The following ZCCHC7 variants were observed in gnomAD, a reference collection of about 807,000 sequenced individuals.
The protein encoded by ZCCHC7 is zinc finger CCHC-type containing 7.
A neutral mutation model predicts 52.0 loss-of-function variants in ZCCHC7; 35 were observed. The ratio of observed to expected loss-of-function variants is 0.67; its 90% CI spans 0.51 to 0.89. The LOEUF (loss-of-function observed/expected upper bound fraction) is 0.89, where lower values mean the gene tolerates loss of function less well. Among genes scored for constraint, ZCCHC7 ranks in the 40% least tolerant of loss-of-function variants. ZCCHC7 has a pLI of 0.00. For synonymous variants in ZCCHC7, 217 were observed against 221.5 expected (o/e 0.98, Z 0.18); for missense variants, 574 against 649.1 (o/e 0.88, Z 1.26).
intron 5 of ZCCHC7, among the ~76,000 whole-genome samples, chr9:37,324,267 C>T (rs1252299784): frequency 7.9e-5 from 12 of 152,156 alleles, no homozygotes; most frequent in Non-Finnish European, 1.5e-5. Flanking sequence ...TGACTTGGAG[C>T]TGAAGGATTT....
intron 6 of ZCCHC7, among the ~76,000 whole-genome samples, chr9:37,348,514 G>C (rs193242863): frequency 8.1e-4 from 123 of 152,068 alleles, no homozygotes; most frequent in African/African-American, 2.7e-3. Flanking sequence ...GAAGTAGCTG[G>C]GACTACAGGC....
At chr9:37,250,460 C>T (rs1453460619) in intron 2 of ZCCHC7, among the ~76,000 whole-genome samples, 1 of 152,122 alleles carries the variant, frequency 6.6e-6, no homozygotes, top group Non-Finnish European at 1.5e-5. Context: ...TGCCACCACA[C>T]CCAGCTAATT....
chr9:37,303,001 A>C (rs1829106063), intron 3 of ZCCHC7, among the ~76,000 whole-genome samples: 1 of 152,206 alleles, frequency 6.6e-6, no homozygotes, highest in Admixed American at 6.5e-5. Context: ...TGTGCTGTTC[A>C]AAAGAATGGA....
chr9:37,327,710 C>T, intron 5 of ZCCHC7, 89 bp from the exon 6 acceptor site: 1 of 1,398,346 alleles, frequency 7.2e-7, no homozygotes, highest in South Asian at 1.2e-5. Context: ...CTGTGACCGA[C>T]ACCGGTGGAT....
At chr9:37,302,277 C>T (rs1439190495) in intron 3 of ZCCHC7, 46 bp downstream of exon 3, 1 of 1,459,674 alleles carries the variant, frequency 6.9e-7, no homozygotes, top group Admixed American at 1.8e-5. Context: ...ATTTCCTTTG[C>T]TTCATAGTTT....
chr9:37,244,365 G>A (rs1370698047), intron 2 of ZCCHC7, among the ~76,000 whole-genome samples: 1 of 151,754 alleles, frequency 6.6e-6, no homozygotes, highest in Non-Finnish European at 1.5e-5. Flanking sequence ...ATAGTATAGT[G>A]AGGGTTATAT....
At chr9:37,152,627 T>G (rs1436013013) in intron 2 of ZCCHC7, among the ~76,000 whole-genome samples, 1 of 152,212 alleles carries the variant, frequency 6.6e-6, no homozygotes, top group African/African-American at 2.4e-5. Flanking sequence ...GTTTGATGTT[T>G]TTATTATCAT....
chr9:37,162,462 ATT>A (rs971532546), intron 2 of ZCCHC7, among the ~76,000 whole-genome samples: 1 of 152,126 alleles, frequency 6.6e-6, no homozygotes, highest in African/African-American at 2.4e-5. Flanking sequence ...ACTTTCTAAA[ATT>A]TTGCATAAGT....
intron 1 of ZCCHC7, among the ~76,000 whole-genome samples, chr9:37,122,377 TG>T (rs1352033393): frequency 6.6e-6 from 1 of 152,256 alleles, no homozygotes; most frequent in African/African-American, 2.4e-5. Flanking sequence ...AAGTTTCATT[TG>T]CATGATATTT....
At chr9:37,313,360 G>C (rs1005057546) in intron 5 of ZCCHC7, among the ~76,000 whole-genome samples, 1 of 152,116 alleles carries the variant, frequency 6.6e-6, no homozygotes, top group African/African-American at 2.4e-5. Flanking sequence ...CAAAACTCAC[G>C]ATAATGTTAG....
intron 6 of ZCCHC7, among the ~76,000 whole-genome samples, chr9:37,331,987 A>T (rs2118262063): frequency 6.6e-6 from 1 of 151,788 alleles, no homozygotes; most frequent in Middle Eastern, 3.4e-3. Context: ...ATAAGCTAAT[A>T]CATTATAAGT....
intron 5 of ZCCHC7, among the ~76,000 whole-genome samples, chr9:37,321,961 G>A (rs1484364299): frequency 2.8e-4 from 43 of 151,938 alleles, no homozygotes; most frequent in Admixed American, 2.6e-3. Flanking sequence ...AATACCAAAG[G>A]GACAATGAAA....
chr9:37,198,977 C>A (rs1284953975), intron 2 of ZCCHC7, among the ~76,000 whole-genome samples: 1 of 152,174 alleles, frequency 6.6e-6, no homozygotes. Flanking sequence ...TAGTCTGAAA[C>A]AGACTGCTTA....
chr9:37,128,124 G>GAA (rs1459901119), intron 2 of ZCCHC7, among the ~76,000 whole-genome samples: 3 of 152,346 alleles, frequency 2.0e-5, no homozygotes, highest in East Asian at 1.9e-4. Flanking sequence ...TAGAAAGAAA[G>GAA]AAACTTGTGA....
At chr9:37,198,637 T>TTGGC (rs924859039) in intron 2 of ZCCHC7, among the ~76,000 whole-genome samples, 3 of 152,350 alleles carry the variant, frequency 2.0e-5, no homozygotes, top group Admixed American at 1.3e-4. Flanking sequence ...AAGAATTCAG[T>TTGGC]TGGCATACTT....
intron 2 of ZCCHC7, among the ~76,000 whole-genome samples, chr9:37,136,601 A>G (rs1257482163): frequency 3.9e-5 from 6 of 152,082 alleles, no homozygotes; most frequent in African/African-American, 1.2e-4. Context: ...GAGACTGCAG[A>G]TGTGGGCCAC....
chr9:37,195,129 T>A (rs1823223991), intron 2 of ZCCHC7, among the ~76,000 whole-genome samples: 1 of 151,928 alleles, frequency 6.6e-6, no homozygotes, highest in African/African-American at 2.4e-5. Context: ...GTATTTTCAG[T>A]GAAGACGGGG....
chr9:37,290,420 C>T (rs1381036019), intron 2 of ZCCHC7, among the ~76,000 whole-genome samples: 1 of 152,066 alleles, frequency 6.6e-6, no homozygotes, highest in African/African-American at 2.4e-5. Context: ...CTTTTGGAGA[C>T]CAAGGCGGGT....
upstream of ZCCHC7, chr9:37,120,527 C>T: frequency 2.5e-6 from 1 of 399,082 alleles, no homozygotes. Context: ...CCCGGGTCTG[C>T]GCGGACGCGG....
Sources: gnomAD v4.1 joint callset for allele counts (sites outside exome capture counted in the v4.1 genomes callset) on GRCh38, gnomAD v4.1.1 for gene constraint, MANE v1.5 for transcripts, NCBI Gene and HGNC (gene_info 2026-07-23, HGNC 2026-07-21) for gene names.